GINS1: variants seen among roughly 807,000 people sequenced by gnomAD.
The protein encoded by GINS1 is DNA replication complex GINS protein PSF1.
Under a neutral mutation model 34.9 loss-of-function variants are expected in GINS1, and 26 were observed. That is an observed-to-expected ratio of 0.74 (90% CI 0.55 to 1.03). The LOEUF is 1.03. Ranked by LOEUF, GINS1 falls within the 50% of genes least tolerant of loss-of-function variation. The pLI, the probability that GINS1 is intolerant of heterozygous loss-of-function variation, is 0.00. For synonymous variants in GINS1, 97 were observed against 84.4 expected, an observed-to-expected ratio of 1.15 and a Z score of -0.82; for missense variants, 235 against 237.9, an observed-to-expected ratio of 0.99 and a Z score of 0.08.
intron 5 of GINS1, among the ~76,000 whole-genome samples, chr20:25,433,201 A>G (rs994898340): frequency 1.3e-5 from 2 of 151,992 alleles, no homozygotes; most frequent in East Asian, 3.9e-4. Context: ...GACTTCTGTC[A>G]TTTTGCTGTT....
intron 2 of GINS1, among the ~76,000 whole-genome samples, chr20:25,416,902 G>A (rs1004063873): frequency 2.6e-5 from 4 of 152,192 alleles, no homozygotes; most frequent in African/African-American, 9.6e-5. Context: ...CTGGTAGCAT[G>A]ATCTTAGGCA....
At chr20:25,442,029 C>T (rs1028008568) in intron 6 of GINS1, among the ~76,000 whole-genome samples, 1 of 152,006 alleles carries the variant, frequency 6.6e-6, no homozygotes, top group African/African-American at 2.4e-5. Context: ...GGGGAATTAC[C>T]ATAATCAGCC....
intron 2 of GINS1, among the ~76,000 whole-genome samples, chr20:25,415,454 G>A (rs1421896375): frequency 2.0e-5 from 3 of 152,212 alleles, no homozygotes; most frequent in Non-Finnish European, 4.4e-5. Context: ...TTGGGAGGCC[G>A]AGGCGGGTGG....
intron 5 of GINS1, among the ~76,000 whole-genome samples, chr20:25,428,962 C>CCT (rs1267797400): frequency 1.2e-4 from 16 of 137,356 alleles, no homozygotes; most frequent in Non-Finnish European, 2.2e-4. Context: ...CACCTTCATT[C>CCT]CTCTCTCTTT....
intron 1 of GINS1, among the ~76,000 whole-genome samples, chr20:25,412,014 A>G (rs1193915835): frequency 6.6e-6 from 1 of 152,026 alleles, no homozygotes; most frequent in Non-Finnish European, 1.5e-5. Flanking sequence ...AGGCTGAGGC[A>G]AGAGAATCAC....
At chr20:25,444,538 C>G (rs1471038866) in intron 6 of GINS1, among the ~76,000 whole-genome samples, 1 of 152,068 alleles carries the variant, frequency 6.6e-6, no homozygotes, top group Admixed American at 6.6e-5. Flanking sequence ...TCTTGCCAGG[C>G]CTTTGAGTTT....
chr20:25,423,818 G>A (rs189628129), intron 4 of GINS1, among the ~76,000 whole-genome samples: 1 of 151,922 alleles, frequency 6.6e-6, no homozygotes, highest in Non-Finnish European at 1.5e-5. Context: ...GTTTCACCAT[G>A]TTAGCCAGGA....
chr20:25,422,797 G>C (rs981387233), intron 4 of GINS1, among the ~76,000 whole-genome samples: 1 of 152,078 alleles, frequency 6.6e-6, no homozygotes, highest in Non-Finnish European at 1.5e-5. Flanking sequence ...TTGTTTAGAC[G>C]GAGTTTTTTG....
At chr20:25,427,359 G>A (rs1393475785) in intron 5 of GINS1, among the ~76,000 whole-genome samples, 1 of 151,778 alleles carries the variant, frequency 6.6e-6, no homozygotes, top group East Asian at 1.9e-4. Context: ...CACCACACCT[G>A]GCTAATTTTT....
At chr20:25,415,348 A>G (rs1201012068) in intron 2 of GINS1, among the ~76,000 whole-genome samples, 2 of 152,228 alleles carry the variant, frequency 1.3e-5, no homozygotes, top group Non-Finnish European at 2.9e-5. Context: ...ACAAATATGT[A>G]TCAATAAGTG....
rs539942518 is a variant in GINS1, at chr20:25,416,418, T to A, written c.141-686T>A. ...CAGGATGGGACATGTATTTTGCCTG[T>A]ATTATCAGGGCCTAGCACAGTGCCT... On this transcript the variant is annotated intron_variant, in intron 2 of 6. Coordinates refer to ENST00000262460, the MANE Select transcript of GINS1 (RefSeq NM_021067.5). Among the ~76,000 whole-genome samples, 7 of 152,296 alleles carry A rather than the reference T, an allele frequency of 4.6e-5. No homozygotes were observed. The South Asian group carries it at 1.5e-3, about 32-fold the overall frequency.
rs529209925 is a variant in GINS1, at chr20:25,413,865, T to C, written c.140+11T>C. The stretch of plus-strand genomic sequence containing the variant: ...AAACCAGTCTGATGTGTAAGTTTCA[T>C]AAGATGATATTCTAAAACAATTCAA... On this transcript the variant is annotated intron_variant, in intron 2 of 6. Coordinates refer to ENST00000262460, the MANE Select transcript of GINS1 (RefSeq NM_021067.5). 2 of 1,434,092 alleles carry C rather than the reference T, an allele frequency of 1.4e-6. No homozygotes were observed. The highest frequency in any genetic ancestry group is 2.3e-5 in the South Asian group (2 of 87,582). The allele number at this position is 1,434,092 out of a possible 1,614,324, so 88.8% of individuals were successfully genotyped here.
At chr20:25,414,279 A>T (rs2090306734) in intron 2 of GINS1, among the ~76,000 whole-genome samples, 1 of 151,530 alleles carries the variant, frequency 6.6e-6, no homozygotes, top group Non-Finnish European at 1.5e-5. Context: ...CTGTAAAATT[A>T]TCTGCTCTAG....
chr20:25,423,787 T>C (rs927927797), intron 4 of GINS1, among the ~76,000 whole-genome samples: 2 of 151,896 alleles, frequency 1.3e-5, no homozygotes, highest in Non-Finnish European at 2.9e-5. Context: ...CTAATTTTTT[T>C]GTATTTTTAG....
At chr20:25,417,606 A>G (rs981929177) in intron 3 of GINS1, among the ~76,000 whole-genome samples, 2 of 152,138 alleles carry the variant, frequency 1.3e-5, no homozygotes, top group African/African-American at 4.8e-5. Flanking sequence ...CTATAATCCC[A>G]GCAATTTTGG....
intron 1 of GINS1, 75 bp from the exon 2 acceptor site, chr20:25,413,714 GT>G: frequency 2.4e-6 from 2 of 835,220 alleles, no homozygotes; most frequent in Non-Finnish European, 4.3e-6. Context: ...GAAAGATACA[GT>G]TCAGTATTGA....
chr20:25,419,603 AT>A, intron 4 of GINS1: 1 of 787,160 alleles, frequency 1.3e-6, no homozygotes, highest in Non-Finnish European at 1.7e-6. Context: ...TGAACAGAAC[AT>A]TATGTTTCTC....
In GINS1 at chr20:25,423,495, A is replaced by G. The variant is rs1435017514; in HGVS notation, c.331-1716A>G. Among the ~76,000 whole-genome samples the G allele has an allele frequency of 9.0e-5, 6 of 66,800 alleles. No homozygotes were observed. In the East Asian group the frequency reaches 6.3e-3, roughly 70 times the overall value. The allele number at this position is 66,800 out of a possible 152,430, so 43.8% of individuals were successfully genotyped here. A position where few individuals can be genotyped will look rare whatever the true frequency, so the allele number is the denominator to read the frequency against. ...TTTTTTTTTTTTTTTTTGAGACGGC[A>G]TCTCACTCTGTCGCCCAGGCTGGAG... On this transcript the variant is annotated intron_variant, in intron 4 of 6. Coordinates refer to ENST00000262460, the MANE Select transcript of GINS1 (RefSeq NM_021067.5).
intron 5 of GINS1, among the ~76,000 whole-genome samples, chr20:25,430,375 C>T (rs1366976910): frequency 6.6e-6 from 1 of 152,116 alleles, no homozygotes; most frequent in Non-Finnish European, 1.5e-5. Flanking sequence ...TTGAAATGAT[C>T]ATGTTTTTTT....
Sources: gnomAD v4.1 joint callset for allele counts (sites outside exome capture counted in the v4.1 genomes callset) on GRCh38, gnomAD v4.1.1 for gene constraint, MANE v1.5 for transcripts, NCBI Gene and HGNC (gene_info 2026-07-23, HGNC 2026-07-21) for gene names.